Variants in MYO16 observed in about 807,000 individuals in gnomAD.
MYO16 encodes unconventional myosin-XVI.
Under a neutral mutation model 205.3 loss-of-function variants are expected in MYO16, and 94 were observed. The ratio of observed to expected loss-of-function variants is 0.46; its 90% CI spans 0.39 to 0.54. MYO16 has a LOEUF of 0.54. MYO16 is among the 20% of genes least tolerant of loss of function. The probability of loss-of-function intolerance (pLI) is 0.00; values close to 1 mark genes in which losing one functional copy is unlikely to be tolerated. For synonymous variants in MYO16, 988 were observed against 954.0 expected (o/e 1.04, Z -0.66); for missense variants, 2,315 against 2,387.5 (o/e 0.97, Z 0.63).
chr13:108,742,922 A>G (rs549495949), intron 4 of MYO16, among the ~76,000 whole-genome samples: 2 of 152,250 alleles, frequency 1.3e-5, no homozygotes, highest in East Asian at 3.9e-4. Context: ...GCACTGCTCA[A>G]TTCTCACTTC....
In MYO16 at chr13:108,919,273, C is replaced by T. The variant is rs887994438; in HGVS notation, c.1925+9123C>T. ...GGCTGGGCCCTTCCTGCCCCACCTT[C>T]CCTCACTGCACAGCATCTTACCTTG... On this transcript the variant is annotated intron_variant, in intron 16 of 34. Coordinates refer to ENST00000457511, the MANE Select transcript of MYO16 (RefSeq NM_001198950.3). Among the ~76,000 whole-genome samples, 3 of 152,264 alleles carry T rather than the reference C, an allele frequency of 2.0e-5. No individual in the cohort carries two copies. The South Asian group carries it at 6.2e-4, about 31-fold the overall frequency.
intron 20 of MYO16, among the ~76,000 whole-genome samples, chr13:108,981,341 CAT>C (rs550517848): frequency 3.9e-4 from 60 of 152,330 alleles, no homozygotes; most frequent in African/African-American, 1.3e-3. Context: ...AGAGAAGTGT[CAT>C]GTGGTAAACT....
rs1594208416 is a variant in MYO16, at chr13:108,685,776, T to G, written c.292+19627T>G. On this transcript the variant is annotated intron_variant, in intron 2 of 34. Transcript: ENST00000457511. ...CTAGGTGCCATGTCAGGAAGTTTGG[T>G]TTCTTCTGAGACCTGTGTCCTTGGC... is the stretch of plus-strand genomic sequence containing the variant. 2.6e-5 allele frequency among the ~76,000 whole-genome samples: 4 copies of G among 152,222 alleles called. No individual in the cohort carries two copies. In the South Asian group the frequency reaches 8.3e-4, roughly 32 times the overall value.
chr13:108,763,218 A>T (rs1885667290), intron 4 of MYO16, among the ~76,000 whole-genome samples: 3 of 152,156 alleles, frequency 2.0e-5, no homozygotes, highest in Admixed American at 6.5e-5. Context: ...ACATTGATAT[A>T]CTTATGTGGT....
At chr13:108,824,134 C>T (rs985098215) in intron 9 of MYO16, among the ~76,000 whole-genome samples, 2 of 151,916 alleles carry the variant, frequency 1.3e-5, no homozygotes. Context: ...ATTTTAAAGG[C>T]CTTCATGAAC....
At chr13:109,024,133 T>C (rs1886280092) in intron 23 of MYO16, among the ~76,000 whole-genome samples, 1 of 150,112 alleles carries the variant, frequency 6.7e-6, no homozygotes, top group Non-Finnish European at 1.5e-5. Context: ...TAAATATAAT[T>C]CATGTTCTTT....
intron 4 of MYO16, among the ~76,000 whole-genome samples, chr13:108,750,957 G>A (rs1042226287): frequency 6.6e-6 from 1 of 152,120 alleles, no homozygotes; most frequent in Admixed American, 6.5e-5. Flanking sequence ...TGCGGTGATG[G>A]ATTAGAGTTG....
intron 3 of MYO16, among the ~76,000 whole-genome samples, chr13:108,713,454 A>G (rs1883802279): frequency 6.6e-6 from 1 of 152,206 alleles, no homozygotes; most frequent in Non-Finnish European, 1.5e-5. Context: ...CTTAACTTCC[A>G]GAAGCTCCTT....
At chr13:108,591,456 A>T (rs1878397744), upstream of MYO16, among the ~76,000 whole-genome samples, 1 of 147,634 alleles carries the variant, frequency 6.8e-6, no homozygotes, top group African/African-American at 2.5e-5. Context: ...AAAAAAAAAA[A>T]GTCAGGCTCA....
chr13:109,190,739 A>T (rs909893151), intron 34 of MYO16, among the ~76,000 whole-genome samples: 2 of 152,142 alleles, frequency 1.3e-5, no homozygotes, highest in Non-Finnish European at 2.9e-5. Flanking sequence ...AAATTATGTA[A>T]TTTGAAAGTG....
Position 108,679,717 on chromosome 13 carries a change from A to T in MYO16, c.292+13568A>T, listed in dbSNP as rs887225265. Among the ~76,000 whole-genome samples, 8 of 147,634 alleles carry T rather than the reference A, an allele frequency of 5.4e-5. No individual in the cohort carries two copies. The South Asian group carries it at 6.6e-4, about 12-fold the overall frequency. On this transcript the variant is annotated intron_variant, in intron 2 of 34. Coordinates refer to ENST00000457511, the MANE Select transcript of MYO16 (RefSeq NM_001198950.3). ...TGTACTGTTCTTGGTTCTGCAAAAA[A>T]AAAAATAATAATAATAATAATAATA...
At chr13:108,716,688 T>C (rs1335081742) in intron 3 of MYO16, among the ~76,000 whole-genome samples, 1 of 152,154 alleles carries the variant, frequency 6.6e-6, no homozygotes, top group Non-Finnish European at 1.5e-5. Context: ...AGCCTGATGC[T>C]TCATCAGCAC....
chr13:109,148,356 G>T (rs372091958), intron 32 of MYO16, among the ~76,000 whole-genome samples: 1 of 152,178 alleles, frequency 6.6e-6, no homozygotes, highest in African/African-American at 2.4e-5. Context: ...GGGAAATTGT[G>T]CAAGCAGGAG....
chr13:108,896,977 CAG>C (rs1239169884), intron 14 of MYO16, among the ~76,000 whole-genome samples: 1 of 151,798 alleles, frequency 6.6e-6, no homozygotes, highest in East Asian at 1.9e-4. Context: ...GCCTGGATGA[CAG>C]AGTGAGACTC....
chr13:108,802,609 A>G lies in MYO16; in HGVS notation c.742-4070A>G, dbSNP rs112597006. On this transcript the variant is annotated intron_variant, in intron 6 of 34. Coordinates refer to ENST00000457511, the MANE Select transcript of MYO16 (RefSeq NM_001198950.3). ...ATATATACCAGAGTGGGGTTTGTGG[A>G]TCATAAGGTAGCTGTATTTTTAGTT... 2.2e-3 allele frequency among the ~76,000 whole-genome samples: 339 copies of G among 152,272 alleles called. 3 individuals are homozygous for G. The highest frequency in any genetic ancestry group is 7.7e-3 in the African/African-American group (322 of 41,558).
intron 16 of MYO16, among the ~76,000 whole-genome samples, chr13:108,920,915 G>A (rs189877127): frequency 2.4e-4 from 37 of 152,354 alleles, no homozygotes; most frequent in Admixed American, 5.2e-4. Flanking sequence ...GCTGGTCACT[G>A]GAGGTGTGGC....
chr13:109,012,307 G>A (rs1885629219), intron 22 of MYO16, among the ~76,000 whole-genome samples: 1 of 152,072 alleles, frequency 6.6e-6, no homozygotes, highest in African/African-American at 2.4e-5. Context: ...AGCAGGTGAG[G>A]GAGCAAAGCT....
intron 10 of MYO16, among the ~76,000 whole-genome samples, chr13:108,846,810 T>C (rs1167501320): frequency 6.6e-6 from 1 of 152,172 alleles, no homozygotes; most frequent in Non-Finnish European, 1.5e-5. Flanking sequence ...TTTATATAAA[T>C]TGTGGGAAAT....
intron 30 of MYO16, among the ~76,000 whole-genome samples, chr13:109,126,355 G>A (rs1876250416): frequency 1.3e-5 from 2 of 152,122 alleles, no homozygotes; most frequent in South Asian, 4.1e-4. Context: ...TCTGCCTTGT[G>A]GTAGATTCTA....
Sources: gnomAD v4.1 joint callset for allele counts (sites outside exome capture counted in the v4.1 genomes callset) on GRCh38, gnomAD v4.1.1 for gene constraint, MANE v1.5 for transcripts, NCBI Gene and HGNC (gene_info 2026-07-23, HGNC 2026-07-21) for gene names.